Variants in GREB1 observed in about 807,000 individuals in gnomAD.
GREB1 encodes protein GREB1.
GREB1 carries 106 observed loss-of-function variants against 200.7 expected under a neutral mutation model. The observed-to-expected ratio is 0.53, with a 90% CI of 0.45 to 0.62. The LOEUF is 0.62. Ranked by LOEUF, GREB1 falls within the 20% of genes least tolerant of loss-of-function variation. The pLI, the probability that GREB1 is intolerant of heterozygous loss-of-function variation, is 0.00. For synonymous variants in GREB1, 1,132 were observed against 1,092.4 expected (o/e 1.04, Z -0.72); for missense variants, 2,243 against 2,556.8 (o/e 0.88, Z 2.65).
At chr2:11,526,291 G>C (rs906805924) in intron 1 of GREB1, among the ~76,000 whole-genome samples, 2 of 152,130 alleles carry the variant, frequency 1.3e-5, no homozygotes, top group Non-Finnish European at 2.9e-5. Context: ...TCTTAGAGGA[G>C]AATAAGAGAG....
chr2:11,611,334 A>G (rs764019519), intron 18 of GREB1, among the ~76,000 whole-genome samples: 2 of 151,886 alleles, frequency 1.3e-5, no homozygotes, highest in African/African-American at 2.4e-5. Flanking sequence ...CCCCTTTGAG[A>G]CAGGGTCTCA....
chr2:11,636,632 C>T (rs971124221), intron 30 of GREB1, among the ~76,000 whole-genome samples: 1 of 152,180 alleles, frequency 6.6e-6, no homozygotes, highest in Non-Finnish European at 1.5e-5. Flanking sequence ...AAGTGTGTGT[C>T]GCGGGGAGAC....
upstream of GREB1, among the ~76,000 whole-genome samples, chr2:11,531,554 CATTT>C (rs1453557642): frequency 1.3e-5 from 2 of 151,860 alleles, no homozygotes; most frequent in Non-Finnish European, 2.9e-5. Flanking sequence ...TATTTTTAAA[CATTT>C]AATTAATTAA....
upstream of GREB1, among the ~76,000 whole-genome samples, chr2:11,532,656 G>A (rs551707482): frequency 2.3e-3 from 353 of 152,230 alleles, 1 homozygote; most frequent in Non-Finnish European, 3.8e-3. Flanking sequence ...TCATTGTTTT[G>A]TAGCCAGTGA....
chr2:11,547,582 C>T (rs552474266), intron 1 of GREB1, among the ~76,000 whole-genome samples: 102 of 152,050 alleles, frequency 6.7e-4, no homozygotes, highest in African/African-American at 2.3e-3. Context: ...ATGTAATCAT[C>T]GTTTTTCAAA....
At chr2:11,519,863 G>A (rs371387140) in intron 1 of GREB1, among the ~76,000 whole-genome samples, 130 of 152,294 alleles carry the variant, frequency 8.5e-4, no homozygotes, top group African/African-American at 3.0e-3. Flanking sequence ...GAGGCCAAGC[G>A]TGTTGGCTCA....
At chr2:11,504,993 G>A (rs1311774529) in intron 1 of GREB1, among the ~76,000 whole-genome samples, 2 of 152,072 alleles carry the variant, frequency 1.3e-5, no homozygotes, top group South Asian at 2.1e-4. Context: ...GTGCAGTGAC[G>A]CCATCTCAGC....
rs71446416 is a variant in GREB1, at chr2:11,549,084, C to T, written c.-161-7370C>T. 2.2e-3 allele frequency among the ~76,000 whole-genome samples: 331 copies of T among 152,230 alleles called. No individual in the cohort carries two copies. In the Middle Eastern group the frequency reaches 0.034, roughly 16 times the overall value. On this transcript the variant is annotated intron_variant, in intron 1 of 32. Coordinates refer to ENST00000381486, the MANE Select transcript of GREB1 (RefSeq NM_014668.4). ...GATGTGCCTCCATGTGTATCCTTTT[C>T]ATTTGTTGTGCTGGGCTCTTGATTG...
At chr2:11,520,419 A>G (rs1211739843) in intron 1 of GREB1, among the ~76,000 whole-genome samples, 2 of 152,176 alleles carry the variant, frequency 1.3e-5, no homozygotes, top group African/African-American at 2.4e-5. Context: ...CTGTGGCTCC[A>G]GGAGGAATCT....
intron 10 of GREB1, among the ~76,000 whole-genome samples, chr2:11,589,569 T>G (rs1167924700): frequency 2.0e-5 from 3 of 152,168 alleles, no homozygotes; most frequent in Non-Finnish European, 4.4e-5. Context: ...TGTAGACACA[T>G]TGAGAAGCCA....
chr2:11,538,609 GTTTCTTTCTTTCTTTCTTTCTTTC>G (rs66497558), intron 1 of GREB1, among the ~76,000 whole-genome samples: 62 of 99,834 alleles, frequency 6.2e-4, no homozygotes, highest in East Asian at 2.4e-3. Flanking sequence ...AGGAGCTTGT[GTTTCTTTCTTTCTTTCTTTCTTTC>G]TTTCTTTCTT....
rs564206309 is a variant in GREB1 at position 11,491,126 on chromosome 2, G to T, written c.-159+8745G>T. ...TGGGGCTCTGATTTGCTGTGGTGTG[G>T]ATTTTCTGTGGTTTAGATCCATTGT... On this transcript the variant is annotated intron_variant, in intron 1 of 2. Transcript: ENST00000628795. 2.0e-5 allele frequency among the ~76,000 whole-genome samples: 3 copies of T among 152,248 alleles called. No individual in the cohort carries two copies. In the East Asian group the frequency reaches 5.8e-4, roughly 29 times the overall value.
chr2:11,525,501 A>C (rs938303587), intron 1 of GREB1, among the ~76,000 whole-genome samples: 22 of 141,882 alleles, frequency 1.6e-4, no homozygotes, highest in Admixed American at 8.7e-4. Flanking sequence ...CATCTCAAAA[A>C]AAAAAAAAAA....
At chr2:11,606,770 T>G (rs1682336462) in intron 17 of GREB1, among the ~76,000 whole-genome samples, 1 of 53,280 alleles carries the variant, frequency 1.9e-5, no homozygotes, top group Non-Finnish European at 5.8e-5. Context: ...TTATTATTAT[T>G]ATTATTATTA....
intron 1 of GREB1, among the ~76,000 whole-genome samples, chr2:11,509,528 T>C (rs1001033204): frequency 3.9e-5 from 6 of 152,114 alleles, no homozygotes; most frequent in African/African-American, 1.4e-4. Context: ...ACATTAACGG[T>C]AATTCCTTAT....
At chr2:11,559,151 G>A (rs773406515) in intron 2 of GREB1, among the ~76,000 whole-genome samples, 4 of 152,176 alleles carry the variant, frequency 2.6e-5, no homozygotes, top group Non-Finnish European at 4.4e-5. Flanking sequence ...AGCCTTGTAC[G>A]GAATGGAGGG....
rs181357552 is a variant in GREB1, at chr2:11,632,432, G to A, written c.4816+319G>A. ...CGACTCACTGCAGCCTTTGTCTTAC[G>A]GGTTCAAGCGATTCTCCTGCCTCAG... On this transcript the variant is annotated intron_variant, in intron 27 of 32. Coordinates refer to ENST00000381486, the MANE Select transcript of GREB1 (RefSeq NM_014668.4). 5.3e-3 allele frequency among the ~76,000 whole-genome samples: 771 copies of A among 146,610 alleles called. 7 individuals are homozygous for A. Among genetic ancestry groups the A allele is most frequent in the Admixed American group, 6.0e-3 (86 of 14,254 alleles).
Position 11,489,275 on chromosome 2 carries a change from G to A in GREB1, c.-159+6894G>A, listed in dbSNP as rs188272437. Among the ~76,000 whole-genome samples the A allele has an allele frequency of 6.5e-3, 982 of 152,228 alleles. 13 individuals carry two copies. Among genetic ancestry groups the A allele is most frequent in the African/African-American group, 0.022 (906 of 41,550 alleles). On this transcript the variant is annotated intron_variant, in intron 1 of 2. Coordinates refer to the GREB1 transcript ENST00000628795. The stretch of plus-strand genomic sequence containing the variant: ...AGCCTGGCCAACCTGGTGAAACCCC[G>A]TCTCTACTGAAAATACAAAAATTAG...
intron 1 of GREB1, among the ~76,000 whole-genome samples, chr2:11,518,249 AT>A (rs1189578501): frequency 6.6e-6 from 1 of 152,188 alleles, no homozygotes; most frequent in Non-Finnish European, 1.5e-5. Flanking sequence ...TTTGGGTGGA[AT>A]TTATGACTTT....
Sources: gnomAD v4.1 joint callset for allele counts (sites outside exome capture counted in the v4.1 genomes callset) on GRCh38, gnomAD v4.1.1 for gene constraint, MANE v1.5 for transcripts, NCBI Gene and HGNC (gene_info 2026-07-23, HGNC 2026-07-21) for gene names.